The following WDPCP variants were observed in gnomAD, a reference collection of about 807,000 sequenced individuals.
WDPCP encodes the protein WD repeat containing planar cell polarity effector.
A neutral mutation model predicts 93.1 loss-of-function variants in WDPCP; 71 were observed. That is an observed-to-expected ratio of 0.76 (90% CI 0.63 to 0.93). The LOEUF (loss-of-function observed/expected upper bound fraction) is 0.93, where lower values mean the gene tolerates loss of function less well. Ranked by LOEUF, WDPCP falls within the 40% of genes least tolerant of loss-of-function variation. The pLI is 0.00. For synonymous variants in WDPCP, 315 were observed against 315.0 expected, an observed-to-expected ratio of 1.00 and a Z score of 0.00; for missense variants, 844 against 887.4, an observed-to-expected ratio of 0.95 and a Z score of 0.62.
At chr2:63,758,314 C>A (rs1481223735) in intron 2 of WDPCP, among the ~76,000 whole-genome samples, 2 of 151,540 alleles carry the variant, frequency 1.3e-5, no homozygotes, top group African/African-American at 2.4e-5. Flanking sequence ...GAGTGAAAGA[C>A]AGGAGAGAAA....
chr2:63,612,586 CT>C (rs1681166606), intron 3 of WDPCP, among the ~76,000 whole-genome samples: 1 of 152,156 alleles, frequency 6.6e-6, no homozygotes, highest in Non-Finnish European at 1.5e-5. Context: ...GAAAACAAAC[CT>C]TATTCCTTTT....
intron 14 of WDPCP, among the ~76,000 whole-genome samples, chr2:63,224,566 C>T (rs551036081): frequency 2.0e-5 from 3 of 151,748 alleles, no homozygotes; most frequent in African/African-American, 7.2e-5. Context: ...TAAAAGTAAA[C>T]GAGATATCAA....
At chr2:63,249,018 T>A (rs1220333984) in intron 14 of WDPCP, among the ~76,000 whole-genome samples, 1 of 152,206 alleles carries the variant, frequency 6.6e-6, no homozygotes, top group Non-Finnish European at 1.5e-5. Context: ...AAGATGTCTG[T>A]GCTTTCTCAG....
chr2:63,121,358 ACTTTCTTT>A lies in WDPCP; in HGVS notation c.*640_*647del, dbSNP rs911556004. The A allele has an allele frequency of 6.7e-6, 1 of 148,762 alleles. No individual in the cohort carries two copies. Among genetic ancestry groups the A allele is most frequent in the Non-Finnish European group, 1.5e-5 (1 of 67,602 alleles). The allele number at this position is 148,762 out of a possible 1,614,324, so 9.2% of individuals were successfully genotyped here. A position where few individuals can be genotyped will look rare whatever the true frequency, so the allele number is the denominator to read the frequency against. ...ATAATGTAAACAAGAGCAGAAGAGG[ACTTTCTTT>A]CTTTCTTTTCTTTCTTTTTTTTTTT... On this transcript the variant is annotated 3_prime_UTR_variant, in exon 18 of 18. Transcript: ENST00000272321.
At chr2:63,136,733 C>A (rs1182834475) in intron 17 of WDPCP, among the ~76,000 whole-genome samples, 1 of 152,072 alleles carries the variant, frequency 6.6e-6, no homozygotes, top group Non-Finnish European at 1.5e-5. Flanking sequence ...TCCAATAGGC[C>A]TCATGGTCTG....
chr2:63,335,974 C>T (rs1688337870), intron 12 of WDPCP, among the ~76,000 whole-genome samples: 1 of 152,154 alleles, frequency 6.6e-6, no homozygotes, highest in Admixed American at 6.5e-5. Flanking sequence ...TGACAGTTTA[C>T]AAATGCCATG....
At chr2:63,799,019 T>C (rs1033030255) in intron 2 of WDPCP, among the ~76,000 whole-genome samples, 5 of 152,216 alleles carry the variant, frequency 3.3e-5, no homozygotes, top group African/African-American at 1.2e-4. Flanking sequence ...TTATTCATGA[T>C]CTGAAATACT....
intron 14 of WDPCP, among the ~76,000 whole-genome samples, chr2:63,198,875 A>G (rs976558572): frequency 6.6e-6 from 1 of 152,180 alleles, no homozygotes; most frequent in Non-Finnish European, 1.5e-5. Context: ...GGCTCAGAAG[A>G]AGACAGGAAG....
At chr2:63,535,628 A>T (rs558209772) in intron 1 of WDPCP, among the ~76,000 whole-genome samples, 1 of 152,338 alleles carries the variant, frequency 6.6e-6, no homozygotes, top group East Asian at 1.9e-4. Flanking sequence ...CCCTATTACA[A>T]TAAATGGTGC....
At chr2:63,501,832 T>G (rs1701574064) in intron 1 of WDPCP, among the ~76,000 whole-genome samples, 1 of 152,166 alleles carries the variant, frequency 6.6e-6, no homozygotes, top group African/African-American at 2.4e-5. Context: ...GCCAGGCTGG[T>G]CTCGAACTCC....
intron 13 of WDPCP, among the ~76,000 whole-genome samples, chr2:63,295,847 G>A (rs1010767824): frequency 3.8e-4 from 54 of 141,786 alleles, no homozygotes; most frequent in African/African-American, 1.2e-3. Context: ...GATATACAAA[G>A]GAGAGCTGGT....
chr2:63,393,206 TA>T (rs1219170352), intron 10 of WDPCP, among the ~76,000 whole-genome samples: 2 of 152,066 alleles, frequency 1.3e-5, no homozygotes, highest in Non-Finnish European at 2.9e-5. Context: ...TATGCCGCCA[TA>T]AAAAAGGATG....
At chr2:63,648,462 G>C (rs1054094726) in intron 3 of WDPCP, among the ~76,000 whole-genome samples, 1 of 152,114 alleles carries the variant, frequency 6.6e-6, no homozygotes, top group Middle Eastern at 3.2e-3. Context: ...GAAATGTATA[G>C]TTGTGTAATT....
Position 63,363,119 on chromosome 2 carries a change from C to T in WDPCP, c.1748+15267G>A, listed in dbSNP as rs538169940. On this transcript the variant is annotated intron_variant, in intron 12 of 17. Transcript: ENST00000272321. ...TGTTTTTGTAAAATGTATCTATGTT[C>T]ATAAAAAATAATTCAAACAATACAA... Among the ~76,000 whole-genome samples, 7 of 151,150 alleles carry T rather than the reference C, an allele frequency of 4.6e-5. No homozygotes were observed. In the East Asian group the frequency reaches 9.7e-4, roughly 21 times the overall value.
At chr2:63,622,070 T>G in intron 3 of WDPCP, 1 of 835,948 alleles carries the variant, frequency 1.2e-6, no homozygotes, top group Non-Finnish European at 1.6e-6. Flanking sequence ...TTTTTTCTTT[T>G]TTTTTTTTTT....
At chr2:63,758,579 C>G (rs528016147) in intron 2 of WDPCP, among the ~76,000 whole-genome samples, 1 of 152,122 alleles carries the variant, frequency 6.6e-6, no homozygotes, top group Non-Finnish European at 1.5e-5. Flanking sequence ...GCTGGGACTA[C>G]AGGCACATGC....
chr2:63,701,272 T>C (rs72806100), intron 2 of WDPCP, among the ~76,000 whole-genome samples: 4,014 of 152,228 alleles, frequency 0.026, 63 homozygotes, highest in Non-Finnish European at 0.041. Context: ...ACATTGCTAG[T>C]CATCAGAGAA....
At chr2:63,788,305 G>T (rs143047834) in intron 2 of WDPCP, among the ~76,000 whole-genome samples, 1 of 152,088 alleles carries the variant, frequency 6.6e-6, no homozygotes, top group African/African-American at 2.4e-5. Context: ...GGTATGACTC[G>T]CAGGGCATTA....
Position 63,417,272 on chromosome 2 carries a change from T to C in WDPCP, c.826-12615A>G, listed in dbSNP as rs1000506495. On this transcript the variant is annotated intron_variant, in intron 9 of 17. Coordinates refer to ENST00000272321, the MANE Select transcript of WDPCP (RefSeq NM_015910.7). ...GATATTTATATAGTGCAAACTGTTT[T>C]AAACATAGTAAGGATGTAGCTTGGA... is the stretch of plus-strand genomic sequence containing the variant. 3.3e-5 allele frequency among the ~76,000 whole-genome samples: 5 copies of C among 152,338 alleles called. No homozygotes were observed. The South Asian group carries it at 1.0e-3, about 32-fold the overall frequency.
Sources: gnomAD v4.1 joint callset for allele counts (sites outside exome capture counted in the v4.1 genomes callset) on GRCh38, gnomAD v4.1.1 for gene constraint, MANE v1.5 for transcripts, NCBI Gene and HGNC (gene_info 2026-07-23, HGNC 2026-07-21) for gene names.